Variants in TRAPPC9 observed in about 807,000 individuals in gnomAD.
The protein encoded by TRAPPC9 is trafficking protein particle complex subunit 9.
TRAPPC9 carries 83 observed loss-of-function variants against 124.0 expected under a neutral mutation model. The observed-to-expected ratio is 0.67, with a 90% CI of 0.56 to 0.80. The LOEUF (loss-of-function observed/expected upper bound fraction) is 0.80, where lower values mean the gene tolerates loss of function less well. TRAPPC9 is among the 30% of genes least tolerant of loss of function. The pLI, the probability that TRAPPC9 is intolerant of heterozygous loss-of-function variation, is 0.00. For missense variants in TRAPPC9, 1,302 were observed against 1,508.3 expected, an observed-to-expected ratio of 0.86 and a Z score of 2.27; for synonymous variants, 638 against 617.5, an observed-to-expected ratio of 1.03 and a Z score of -0.49.
chr8:140,458,211 C>CT (rs2071772234), upstream of TRAPPC9: 2 of 1,550,212 alleles, frequency 1.3e-6, no homozygotes, highest in Non-Finnish European at 1.7e-6. Context: ...AGAACAGAGA[C>CT]TAGGAGGAAA....
At chr8:140,041,298 C>T (rs543981917) in intron 17 of TRAPPC9, among the ~76,000 whole-genome samples, 3 of 152,148 alleles carry the variant, frequency 2.0e-5, no homozygotes, top group African/African-American at 7.2e-5. Flanking sequence ...AGTAAAGTGT[C>T]CAAATGATTA....
chr8:139,752,539 T>G (rs1819393631), intron 21 of TRAPPC9, among the ~76,000 whole-genome samples: 2 of 149,124 alleles, frequency 1.3e-5, no homozygotes, highest in East Asian at 4.1e-4. Flanking sequence ...CATCCATCCA[T>G]CCACCATCCA....
Position 139,933,033 on chromosome 8 carries a change from T to C in TRAPPC9, c.2811-22733A>G, listed in dbSNP as rs574025892. The C allele has an allele frequency of 3.3e-3, 514 of 156,906 alleles. 2 individuals carry two copies. The highest frequency in any genetic ancestry group is 0.011 in the African/African-American group (462 of 41,580). 9.7% of individuals were successfully genotyped at this position (156,906 alleles called of 1,614,324 possible). A position where few individuals can be genotyped will look rare whatever the true frequency, so the allele number is the denominator to read the frequency against. ...CACTACTTCCAGAAGCATCTCCTCA[T>C]TCCCCGCCGGGAGCAACATCTCTCT... On this transcript the variant is annotated intron_variant, in intron 19 of 22. Coordinates refer to ENST00000438773, the MANE Select transcript of TRAPPC9 (RefSeq NM_001160372.4).
chr8:140,124,612 G>A (rs549910186), intron 17 of TRAPPC9, among the ~76,000 whole-genome samples: 1 of 152,272 alleles, frequency 6.6e-6, no homozygotes, highest in South Asian at 2.1e-4. Flanking sequence ...CATTCACAGG[G>A]GCCAAAGCAA....
At chr8:140,253,136 G>A (rs1053857579) in intron 15 of TRAPPC9, among the ~76,000 whole-genome samples, 2 of 152,132 alleles carry the variant, frequency 1.3e-5, no homozygotes, top group African/African-American at 2.4e-5. Flanking sequence ...GCACAGGGAG[G>A]AGGAAGAACT....
intron 7 of TRAPPC9, among the ~76,000 whole-genome samples, chr8:140,397,327 CAA>C (rs2069124206): frequency 6.6e-6 from 1 of 152,102 alleles, no homozygotes; most frequent in Admixed American, 6.5e-5. Flanking sequence ...AATATCAAGA[CAA>C]GAGGCGTAAA....
At chr8:140,354,093 T>C (rs776073961) in intron 9 of TRAPPC9, among the ~76,000 whole-genome samples, 9 of 152,262 alleles carry the variant, frequency 5.9e-5, no homozygotes, top group Non-Finnish European at 1.2e-4. Flanking sequence ...GTCAACAATT[T>C]AGTACGGCCA....
At chr8:139,834,690 T>C (rs1826216161) in intron 21 of TRAPPC9, among the ~76,000 whole-genome samples, 1 of 152,246 alleles carries the variant, frequency 6.6e-6, no homozygotes, top group African/African-American at 2.4e-5. Flanking sequence ...CAGAGTAGCC[T>C]GAACTTGGAG....
chr8:140,289,613 T>C (rs192498056), intron 12 of TRAPPC9, among the ~76,000 whole-genome samples: 33 of 152,276 alleles, frequency 2.2e-4, no homozygotes, highest in African/African-American at 7.7e-4. Context: ...TGTTCCCTGC[T>C]CTTCCTCATT....
At chr8:140,267,200 C>A (rs1677770339) in intron 15 of TRAPPC9, among the ~76,000 whole-genome samples, 2 of 152,168 alleles carry the variant, frequency 1.3e-5, no homozygotes, top group South Asian at 4.1e-4. Flanking sequence ...CCTCATGGGA[C>A]TCTTGGTGCC....
intron 18 of TRAPPC9, among the ~76,000 whole-genome samples, chr8:140,021,466 CAATT>C (rs1839834832): frequency 6.6e-6 from 1 of 151,148 alleles, no homozygotes; most frequent in African/African-American, 2.5e-5. Context: ...TTTAAGTAGT[CAATT>C]AATCTTTCAA....
intron 5 of TRAPPC9, among the ~76,000 whole-genome samples, chr8:140,418,187 G>A (rs2070013242): frequency 6.6e-6 from 1 of 152,156 alleles, no homozygotes. Flanking sequence ...TTCTGCACGT[G>A]TATCCCAGAA....
rs115948713 is a variant in TRAPPC9, at chr8:139,776,268, A to T, written c.3056-44066T>A. Among the ~76,000 whole-genome samples the T allele has an allele frequency of 0.019, 2,964 of 152,232 alleles. 90 individuals are homozygous for T. Among genetic ancestry groups the T allele is most frequent in the African/African-American group, 0.068 (2,829 of 41,538 alleles). ...GCCTCCCAGTCAGATGACTCAGCGC[A>T]CAGATGAACTCAGCCACTCCAGGCA... On this transcript the variant is annotated intron_variant, in intron 21 of 22. Coordinates refer to ENST00000438773, the MANE Select transcript of TRAPPC9 (RefSeq NM_001160372.4). This position sits in a 1 kb window ranked among gnomAD's most constrained non-coding sequence, Gnocchi z 4.1.
At chr8:140,251,220 C>T (rs1025556225) in intron 16 of TRAPPC9, among the ~76,000 whole-genome samples, 9 of 152,220 alleles carry the variant, frequency 5.9e-5, no homozygotes, top group African/African-American at 2.2e-4. Context: ...GGGGTAATAT[C>T]CAGTCCCAAG....
intron 19 of TRAPPC9, among the ~76,000 whole-genome samples, chr8:139,976,017 C>G (rs4451290): frequency 0.029 from 4,319 of 150,440 alleles, 217 homozygotes; most frequent in African/African-American, 0.1. Context: ...TCAGCCTCCC[C>G]AGTAGCTGGG....
chr8:140,125,141 C>T (rs1380222175), intron 17 of TRAPPC9, among the ~76,000 whole-genome samples: 2 of 152,304 alleles, frequency 1.3e-5, no homozygotes, highest in African/African-American at 2.4e-5. Flanking sequence ...GGAGCTGGGC[C>T]GATGGTGATG....
At chr8:140,150,949 C>T (rs995331660) in intron 17 of TRAPPC9, among the ~76,000 whole-genome samples, 1 of 152,176 alleles carries the variant, frequency 6.6e-6, no homozygotes, top group Non-Finnish European at 1.5e-5. Context: ...TCCTGAAAGA[C>T]AGCAGAGCTG....
At chr8:139,796,430 C>A (rs1823102634) in intron 21 of TRAPPC9, among the ~76,000 whole-genome samples, 1 of 152,180 alleles carries the variant, frequency 6.6e-6, no homozygotes, top group South Asian at 2.1e-4. Flanking sequence ...CCCCACCAGC[C>A]AGCAACCACT....
intron 4 of TRAPPC9, 111 bp downstream of exon 4, chr8:140,435,001 T>C: frequency 6.6e-7 from 1 of 1,523,278 alleles, no homozygotes; most frequent in South Asian, 1.3e-5. Context: ...ACTCAACAGA[T>C]TTTACAGTTT....
Sources: gnomAD v4.1 joint callset for allele counts (sites outside exome capture counted in the v4.1 genomes callset) on GRCh38, gnomAD v4.1.1 for gene constraint, Gnocchi (gnomAD v3.1) non-coding constraint, MANE v1.5 for transcripts, NCBI Gene and HGNC (gene_info 2026-07-23, HGNC 2026-07-21) for gene names.